The following MTMR3 variants were observed in gnomAD, a reference collection of about 807,000 sequenced individuals.
MTMR3 encodes the protein myotubularin related protein 3.
MTMR3 carries 32 observed loss-of-function variants against 132.4 expected under a neutral mutation model. The ratio of observed to expected loss-of-function variants is 0.24; its 90% confidence interval spans 0.18 to 0.32. The LOEUF (loss-of-function observed/expected upper bound fraction) is 0.32. Ranked by LOEUF, MTMR3 falls within the 10% of genes least tolerant of loss-of-function variation. The pLI is 1.00. For missense variants in MTMR3, 1,216 were observed against 1,489.6 expected (o/e 0.82, Z 3.02); for synonymous variants, 556 against 550.3 (o/e 1.01, Z -0.14).
intron 1 of MTMR3, among the ~76,000 whole-genome samples, chr22:29,955,712 A>G (rs1424430872): frequency 6.6e-6 from 1 of 152,164 alleles, no homozygotes. Flanking sequence ...GCTTTCCTTT[A>G]TGGTTCTTAG....
At chr22:29,949,098 AACACACACACACACACAC>A (rs749067914) in intron 1 of MTMR3, among the ~76,000 whole-genome samples, 2 of 52,174 alleles carry the variant, frequency 3.8e-5, no homozygotes, top group African/African-American at 1.6e-4. Flanking sequence ...CCTGTCTTAA[AACACACACACACACACAC>A]ACACACACAC....
intron 1 of MTMR3, among the ~76,000 whole-genome samples, chr22:29,887,853 G>A (rs1207650849): frequency 6.6e-6 from 1 of 152,010 alleles, no homozygotes; most frequent in Non-Finnish European, 1.5e-5. Flanking sequence ...GAATATATCA[G>A]TACATTGCAT....
Position 30,019,831 on chromosome 22 carries a change from A to C in MTMR3, c.2172A>C (p.Glu724Asp). ...IQEGKEDPLL[E>D]KESRRKTPEA... ...AGGGTAAAGAGGACCCTCTCTTAGA[A>C]AAGGAGAGCAGGAGGAAGACACCTG... The change falls in exon 17 of 20, where the codon GAA (glutamate) becomes GAC (aspartate). Residue 724 changes from glutamate (E) to aspartate (D), a missense_variant. Around this residue, in one of 7 missense-constraint regions of MTMR3, gnomAD observed 852 missense variants for 852.0 expected, o/e 1.00. Transcript: ENST00000401950. The C allele has an allele frequency of 6.2e-7, 1 of 1,614,198 alleles. No individual in the cohort carries two copies. Among genetic ancestry groups the C allele is most frequent in the South Asian group, 1.1e-5 (1 of 91,090 alleles).
At chr22:29,910,957 T>G (rs968970223) in intron 1 of MTMR3, among the ~76,000 whole-genome samples, 1 of 152,222 alleles carries the variant, frequency 6.6e-6, no homozygotes, top group African/African-American at 2.4e-5. Flanking sequence ...CTAAGTTGTA[T>G]CCTTAAATCA....
In MTMR3 at chr22:30,027,673, T is replaced by A. The variant is rs1449610435; in HGVS notation, c.*1872T>A. ...TTTTTTGATCGATGAAGCACTTTTT[T>A]ATTAATATTTTCCTTTGTTAAAGGA... On this transcript the variant is annotated 3_prime_UTR_variant, in exon 20 of 20. Transcript: ENST00000401950. The A allele has an allele frequency of 6.5e-6, 1 of 152,792 alleles. No individual in the cohort carries two copies. The highest frequency in any genetic ancestry group is 1.5e-5 in the Non-Finnish European group (1 of 68,046). The allele number at this position is 152,792 out of a possible 1,614,324, so 9.5% of individuals were successfully genotyped here. A position where few individuals can be genotyped will look rare whatever the true frequency, so the allele number is the denominator to read the frequency against.
chr22:30,016,382 C>A, intron 14 of MTMR3, 146 bp from the exon 15 acceptor site: 1 of 810,524 alleles, frequency 1.2e-6, no homozygotes, highest in Middle Eastern at 3.8e-4. Flanking sequence ...GAGGAGGAGG[C>A]TACTGCATGG....
At chr22:29,928,487 T>C (rs1019259889) in intron 1 of MTMR3, among the ~76,000 whole-genome samples, 1 of 152,058 alleles carries the variant, frequency 6.6e-6, no homozygotes, top group Admixed American at 6.6e-5. Flanking sequence ...TTTTTTCTTT[T>C]AGGCTTTCCC....
At chr22:29,890,950 C>G (rs2064785032) in intron 1 of MTMR3, among the ~76,000 whole-genome samples, 1 of 151,282 alleles carries the variant, frequency 6.6e-6, no homozygotes, top group Admixed American at 6.6e-5. Context: ...GAGTTCAAGG[C>G]TAAAGTTCAC....
chr22:29,967,040 G>A (rs909388835), intron 2 of MTMR3, among the ~76,000 whole-genome samples: 1 of 151,966 alleles, frequency 6.6e-6, no homozygotes, highest in Admixed American at 6.6e-5. Flanking sequence ...TCTTTCAGGT[G>A]CCCCATCTTC....
chr22:30,008,289 TC>T lies in MTMR3; in HGVS notation c.1009+261del, dbSNP rs1004494121. 48 of 375,862 alleles carry T rather than the reference TC, an allele frequency of 1.3e-4. 1 individual carries two copies. Among genetic ancestry groups the T allele is most frequent in the African/African-American group, 9.8e-4 (47 of 48,162 alleles). 23.3% of individuals were successfully genotyped at this position (375,862 alleles called of 1,614,324 possible). On this transcript the variant is annotated intron_variant, in intron 11 of 19. Coordinates refer to ENST00000401950, the MANE Select transcript of MTMR3 (RefSeq NM_021090.4). The stretch of plus-strand genomic sequence containing the variant: ...TGTAGGTGATAAGGAAAGCAGATCT[TC>T]CCCATAATAAGACCTGTTCATGTTT...
chr22:29,904,098 A>C (rs2065051226), intron 1 of MTMR3, among the ~76,000 whole-genome samples: 1 of 152,186 alleles, frequency 6.6e-6, no homozygotes, highest in African/African-American at 2.4e-5. Flanking sequence ...TCTTTACTTT[A>C]ACTGAGACAA....
At chr22:29,891,415 T>C (rs1482179344) in intron 1 of MTMR3, among the ~76,000 whole-genome samples, 1 of 149,882 alleles carries the variant, frequency 6.7e-6, no homozygotes, top group East Asian at 1.9e-4. Flanking sequence ...ATATAACATA[T>C]ATATATGTGT....
At chr22:29,986,205 C>T (rs1282440065) in intron 5 of MTMR3, 1 of 152,222 alleles carries the variant, frequency 6.6e-6, no homozygotes. Context: ...GCTGATGGCA[C>T]ATGGGAAGGC....
chr22:29,913,615 G>C (rs917327309), intron 1 of MTMR3, among the ~76,000 whole-genome samples: 8 of 152,058 alleles, frequency 5.3e-5, no homozygotes, highest in African/African-American at 1.9e-4. Context: ...ATAATGCTTT[G>C]AGAATCATTC....
chr22:29,936,838 ATTTC>A (rs1313966138), intron 1 of MTMR3, among the ~76,000 whole-genome samples: 27 of 152,268 alleles, frequency 1.8e-4, no homozygotes, highest in African/African-American at 5.5e-4. Context: ...AAGTGAATTA[ATTTC>A]TTTGAGTAGA....
chr22:30,021,686 A>T (rs1366014494), intron 17 of MTMR3: 2 of 247,724 alleles, frequency 8.1e-6, no homozygotes, highest in Non-Finnish European at 1.6e-5. Flanking sequence ...GCTTTAACTT[A>T]GTGGCAGGCA....
rs1389150772 is a variant in MTMR3, at chr22:29,885,565, G to A, written c.-138+2206G>A. ...CAGAGGAAATAAACAGAGAAGGAGAGGGAGTAAGTCGGCTTCTGGCTCATA... is the reference window on the plus strand; with the variant it reads ...CAGAGGAAATAAACAGAGAAGGAGAAGGAGTAAGTCGGCTTCTGGCTCATA... On this transcript the variant is annotated intron_variant, in intron 1 of 19. Transcript: ENST00000401950. Among the ~76,000 whole-genome samples the A allele has an allele frequency of 2.0e-5, 3 of 152,292 alleles. No homozygotes were observed. In the South Asian group the frequency reaches 6.2e-4, roughly 32 times the overall value.
At chr22:29,952,060 TG>T (rs1202554099) in intron 1 of MTMR3, among the ~76,000 whole-genome samples, 2 of 152,096 alleles carry the variant, frequency 1.3e-5, no homozygotes, top group Non-Finnish European at 2.9e-5. Flanking sequence ...AGCTAATTTT[TG>T]TGGGTTTTTT....
chr22:30,010,024 C>T (rs1402044026), intron 12 of MTMR3: 1 of 152,222 alleles, frequency 6.6e-6, no homozygotes, highest in East Asian at 1.9e-4. Context: ...CCGTAGTTGT[C>T]ATCAGCCAAG....
Sources: allele counts gnomAD v4.1 joint callset (sites outside exome capture counted in the v4.1 genomes callset), GRCh38; gene constraint gnomAD v4.1.1; regional missense constraint gnomAD v4.1.1; transcripts MANE v1.5; gene names NCBI Gene and HGNC (gene_info 2026-07-23, HGNC 2026-07-21).